GPC6: variants seen among roughly 807,000 people sequenced by gnomAD.
GPC6 encodes the protein glypican-6.
Under a neutral mutation model 55.2 loss-of-function variants are expected in GPC6, and 14 were observed. The ratio of observed to expected loss-of-function variants is 0.25; its 90% confidence interval spans 0.17 to 0.40. The LOEUF (loss-of-function observed/expected upper bound fraction) is 0.40, where lower values mean the gene tolerates loss of function less well. Ranked by LOEUF, GPC6 falls within the 10% of genes least tolerant of loss-of-function variation. GPC6 has a pLI of 1.00. For missense variants in GPC6, 641 were observed against 708.5 expected (o/e 0.90, Z 1.08); for synonymous variants, 278 against 259.6 (o/e 1.07, Z -0.68).
At chr13:94,289,256 A>T (rs1187782148) in intron 5 of GPC6, among the ~76,000 whole-genome samples, 3 of 152,084 alleles carry the variant, frequency 2.0e-5, no homozygotes. Context: ...AAAGAAAAAG[A>T]AAAAAAGAAA....
chr13:93,503,742 G>A (rs150425684), intron 1 of GPC6, among the ~76,000 whole-genome samples: 33 of 152,172 alleles, frequency 2.2e-4, no homozygotes, highest in African/African-American at 7.7e-4. Context: ...CAGCATTGAC[G>A]GAAGCTGTCA....
chr13:94,180,470 T>G (rs1322273663), intron 4 of GPC6, among the ~76,000 whole-genome samples: 1 of 152,158 alleles, frequency 6.6e-6, no homozygotes, highest in Non-Finnish European at 1.5e-5. Flanking sequence ...TTTGCTTAAG[T>G]AGATAATGAA....
At chr13:94,088,773 G>A (rs1267240939) in intron 4 of GPC6, among the ~76,000 whole-genome samples, 1 of 152,106 alleles carries the variant, frequency 6.6e-6, no homozygotes, top group Non-Finnish European at 1.5e-5. Context: ...GAGTATAGCA[G>A]GATGTTGGAA....
chr13:94,391,910 ACTGT>A (rs1880662680), intron 7 of GPC6, among the ~76,000 whole-genome samples: 1 of 152,146 alleles, frequency 6.6e-6, no homozygotes, highest in Admixed American at 6.5e-5. Context: ...TCCTTTTGTG[ACTGT>A]CTTATTTCAC....
chr13:93,571,931 GATTTCAT>G (rs1876425602), intron 2 of GPC6, among the ~76,000 whole-genome samples: 1 of 151,546 alleles, frequency 6.6e-6, no homozygotes. Flanking sequence ...TTCAAAAAAT[GATTTCAT>G]ATTTTAAAAG....
chr13:93,735,666 C>A (rs117509551), intron 2 of GPC6, among the ~76,000 whole-genome samples: 21 of 152,282 alleles, frequency 1.4e-4, no homozygotes, highest in Non-Finnish European at 3.1e-4. Context: ...TTTTGTCCTT[C>A]GTCTTTGAAG....
intron 4 of GPC6, among the ~76,000 whole-genome samples, chr13:94,253,254 C>T (rs1367151406): frequency 6.6e-6 from 1 of 152,044 alleles, no homozygotes; most frequent in African/African-American, 2.4e-5. Flanking sequence ...GGTCTGCGTT[C>T]CCAAGGCAGC....
intron 4 of GPC6, among the ~76,000 whole-genome samples, chr13:94,271,406 A>ACT (rs1189608143): frequency 1.3e-5 from 2 of 150,996 alleles, no homozygotes; most frequent in Admixed American, 1.3e-4. Flanking sequence ...ACACACACAC[A>ACT]CACTCCATCA....
chr13:93,231,345 ACATATATATATATAC>A (rs1566533261), intron 1 of GPC6, among the ~76,000 whole-genome samples: 1,626 of 36,264 alleles, frequency 0.045, 39 homozygotes, highest in African/African-American at 0.097. Flanking sequence ...ATATATATAT[ACATATATATATATAC>A]GTATATATAT....
intron 1 of GPC6, among the ~76,000 whole-genome samples, chr13:93,331,814 A>C (rs1323981): frequency 0.29 from 43,708 of 151,846 alleles, 7,268 homozygotes; most frequent in East Asian, 0.55. Context: ...TATTCATTCT[A>C]TCTAACTGTA....
chr13:93,407,970 G>A (rs1876354872), intron 1 of GPC6, among the ~76,000 whole-genome samples: 1 of 152,136 alleles, frequency 6.6e-6, no homozygotes, highest in Non-Finnish European at 1.5e-5. Context: ...CACTATTTCT[G>A]TGCCTTTATA....
At chr13:93,653,622 A>G (rs1880520740) in intron 2 of GPC6, among the ~76,000 whole-genome samples, 1 of 93,738 alleles carries the variant, frequency 1.1e-5, no homozygotes, top group South Asian at 3.1e-4. Flanking sequence ...GTACATATAT[A>G]TATGATTTTA....
chr13:93,553,567 C>T lies in GPC6; in HGVS notation c.319+8146C>T, dbSNP rs576253473. Reference sequence around the variant, plus strand: ...AAAATTAGCTGGGCACGGGGGCATGCGCCTGTAATCCCAGCTACTCGGGAG... The same window carrying T: ...AAAATTAGCTGGGCACGGGGGCATGTGCCTGTAATCCCAGCTACTCGGGAG... On this transcript the variant is annotated intron_variant, in intron 2 of 8. Coordinates refer to ENST00000377047, the MANE Select transcript of GPC6 (RefSeq NM_005708.5). Among the ~76,000 whole-genome samples the T allele has an allele frequency of 9.2e-5, 14 of 151,760 alleles. No individual in the cohort carries two copies. The East Asian group carries it at 9.8e-4, about 11-fold the overall frequency.
At chr13:94,171,069 G>T (rs1305177963) in intron 4 of GPC6, among the ~76,000 whole-genome samples, 2 of 152,136 alleles carry the variant, frequency 1.3e-5, no homozygotes, top group Non-Finnish European at 2.9e-5. Context: ...CATTGTCTTT[G>T]ATTCTTTTCA....
At chr13:93,975,912 G>A (rs1431963715) in intron 3 of GPC6, among the ~76,000 whole-genome samples, 1 of 152,150 alleles carries the variant, frequency 6.6e-6, no homozygotes, top group East Asian at 1.9e-4. Context: ...TGAAAGGGAA[G>A]GCCTCCTGTA....
chr13:93,807,879 T>C (rs1411300275), intron 2 of GPC6, among the ~76,000 whole-genome samples: 3 of 152,226 alleles, frequency 2.0e-5, no homozygotes, highest in African/African-American at 7.2e-5. Context: ...TGCTATGCTG[T>C]CTTCAGTAAT....
chr13:93,336,297 G>C (rs1880042673), intron 1 of GPC6, among the ~76,000 whole-genome samples: 1 of 152,182 alleles, frequency 6.6e-6, no homozygotes, highest in Non-Finnish European at 1.5e-5. Flanking sequence ...TATTGGATGA[G>C]ACTTTCTTCC....
intron 3 of GPC6, among the ~76,000 whole-genome samples, chr13:93,950,438 T>C (rs1369333879): frequency 1.3e-5 from 2 of 152,198 alleles, no homozygotes; most frequent in African/African-American, 4.8e-5. Context: ...CTATTAGGCA[T>C]CTAGAGTTAT....
At chr13:93,363,911 T>C (rs28453716) in intron 1 of GPC6, among the ~76,000 whole-genome samples, 2 of 152,050 alleles carry the variant, frequency 1.3e-5, no homozygotes, top group Non-Finnish European at 2.9e-5. Flanking sequence ...TTTCATGTGT[T>C]TTTTGGCTGC....
Sources: allele counts gnomAD v4.1 joint callset (sites outside exome capture counted in the v4.1 genomes callset), GRCh38; gene constraint gnomAD v4.1.1; transcripts MANE v1.5; gene names NCBI Gene and HGNC (gene_info 2026-07-23, HGNC 2026-07-21).